The following VRTN variants were observed in gnomAD, a reference collection of about 807,000 sequenced individuals.
The protein encoded by VRTN is vertnin.
Under a neutral mutation model 18.2 loss-of-function variants are expected in VRTN, and 5 were observed. The observed-to-expected ratio is 0.27, with a 90% CI of 0.14 to 0.58. The LOEUF (loss-of-function observed/expected upper bound fraction) is 0.58, where lower values mean the gene tolerates loss of function less well. VRTN is among the 20% of genes least tolerant of loss of function. The pLI is 0.91. For synonymous variants in VRTN, 381 were observed against 393.7 expected (o/e 0.97, Z 0.38); for missense variants, 741 against 939.4 (o/e 0.79, Z 2.76).
chr14:74,331,268 C>T (rs1381430274), intron 1 of VRTN, among the ~76,000 whole-genome samples: 1 of 151,366 alleles, frequency 6.6e-6, no homozygotes, highest in African/African-American at 2.4e-5. Context: ...TGGCTCATGC[C>T]TGTAATGCCA....
chr14:74,332,163 T>C (rs2085530244), intron 1 of VRTN, among the ~76,000 whole-genome samples: 1 of 151,882 alleles, frequency 6.6e-6, no homozygotes, highest in African/African-American at 2.4e-5. Context: ...TGTTCTGTAT[T>C]GTAGATAGAT....
Position 74,357,184 on chromosome 14 carries a change from G to A in VRTN, c.401G>A (p.Arg134His), listed in dbSNP as rs138257884. The change falls in exon 2 of 2, where the codon CGC (arginine) becomes CAC (histidine). Residue 134 changes from arginine to histidine, a missense_variant. Arg to His is a conservative substitution (Grantham distance 29). Transcript: ENST00000256362. The surrounding 1 kb of genome is among the most constrained non-coding windows in gnomAD (Gnocchi z 7.8). ...TCCAAAGTGATGCTGCAGGCCGTGC[G>A]CTACTCCCTATGCTCTGAGGAGTCC... The part of the protein sequence containing the change: ...IDSKVMLQAV[R>H]YSLCSEESPE... 3.0e-5 allele frequency: 48 copies of A among 1,604,772 alleles called. No individual in the cohort carries two copies. The highest frequency in any genetic ancestry group is 4.0e-5 in the Non-Finnish European group (47 of 1,175,918).
At chr14:74,312,973 C>G (rs1009308340) in intron 1 of VRTN, among the ~76,000 whole-genome samples, 2 of 152,038 alleles carry the variant, frequency 1.3e-5, no homozygotes, top group Non-Finnish European at 2.9e-5. Flanking sequence ...GAACTCCTGA[C>G]CTCATGATCC....
In VRTN at chr14:74,359,006, T is replaced by A; in HGVS notation, c.*114T>A. 6.9e-7 allele frequency: 1 copy of A among 1,455,626 alleles called. No homozygotes were observed. Among genetic ancestry groups the A allele is most frequent in the Non-Finnish European group, 9.1e-7 (1 of 1,101,392 alleles). The allele number at this position is 1,455,626 out of a possible 1,614,324, so 90.2% of individuals were successfully genotyped here. ...CCTTTGCTCTGGGTCCCACAGTGTCTACCCTAAGTCCAAGGGTATATTTGT... is the reference window on the plus strand; with the variant it reads ...CCTTTGCTCTGGGTCCCACAGTGTCAACCCTAAGTCCAAGGGTATATTTGT... On this transcript the variant is annotated 3_prime_UTR_variant, in exon 2 of 2. Transcript: ENST00000256362.
chr14:74,331,925 T>C (rs1266293062), intron 1 of VRTN, among the ~76,000 whole-genome samples: 1 of 152,076 alleles, frequency 6.6e-6, no homozygotes, highest in African/African-American at 2.4e-5. Flanking sequence ...GGAAATCAAC[T>C]GTGATTAGGT....
intron 1 of VRTN, among the ~76,000 whole-genome samples, chr14:74,310,545 T>G (rs1772584611): frequency 1.3e-5 from 2 of 149,976 alleles, no homozygotes; most frequent in Admixed American, 6.6e-5. Context: ...TTTTTTTTTT[T>G]TTTTTTTTTA....
At chr14:74,332,335 G>GTTTTTTTTT (rs67857502) in intron 1 of VRTN, among the ~76,000 whole-genome samples, 2 of 39,540 alleles carry the variant, frequency 5.1e-5, no homozygotes, top group African/African-American at 8.1e-5. Flanking sequence ...CTCCTAATCT[G>GTTTTTTTTT]TTTTTTTTTT....
chr14:74,332,335 GTTTTTTTTTTTTTTTTTTTTTT>G lies in VRTN; in HGVS notation c.-163-5368_-163-5347del, dbSNP rs67857502. ...CCTCCGGAGGATCGACTCCTAATCT[GTTTTTTTTTTTTTTTTTTTTTT>G]TTTTTTTTTTTTTTTTTTTAGATGG... On this transcript the variant is annotated intron_variant, in intron 1 of 2. Transcript: ENST00000557177. Among the ~76,000 whole-genome samples the G allele has an allele frequency of 1.1e-3, 44 of 39,586 alleles. 1 individual carries two copies. The highest frequency in any genetic ancestry group is 0.023 in the Middle Eastern group (1 of 44). The allele number at this position is 39,586 out of a possible 152,430, so 26.0% of individuals were successfully genotyped here. A position where few individuals can be genotyped will look rare whatever the true frequency, so the allele number is the denominator to read the frequency against.
rs367693029 is a variant in VRTN, at chr14:74,323,563, G to A, written c.-163-14160G>A. On this transcript the variant is annotated intron_variant, in intron 1 of 2. Coordinates refer to the VRTN transcript ENST00000557177. ...CGCCCCACTGCACTCCAGGCTGGGC[G>A]ACAGAGTGAAATTCCATCTAAAAAA... Among the ~76,000 whole-genome samples, 21 of 151,560 alleles carry A rather than the reference G, an allele frequency of 1.4e-4. No individual in the cohort carries two copies. In the East Asian group the frequency reaches 2.3e-3, roughly 17 times the overall value.
At chr14:74,317,527 C>A (rs1206761571) in intron 1 of VRTN, among the ~76,000 whole-genome samples, 1 of 152,148 alleles carries the variant, frequency 6.6e-6, no homozygotes, top group Non-Finnish European at 1.5e-5. Flanking sequence ...GTGAGCCAGG[C>A]ACGGTGGGTC....
At chr14:74,343,864 C>T (rs2085624264), upstream of VRTN, among the ~76,000 whole-genome samples, 2 of 151,850 alleles carry the variant, frequency 1.3e-5, no homozygotes, top group Admixed American at 6.6e-5. Flanking sequence ...GGCGTGATCT[C>T]GGCTCACTGC....
Position 74,358,639 on chromosome 14 carries a change from C to A in VRTN, c.1856C>A (p.Pro619His). 1 of 1,608,588 alleles carries A rather than the reference C, an allele frequency of 6.2e-7. No individual in the cohort carries two copies. Among genetic ancestry groups the A allele is most frequent in the Non-Finnish European group, 8.5e-7 (1 of 1,177,126 alleles). Residue 619 changes from proline (P) to histidine (H), a missense_variant, in exon 2 of 2, where the codon CCC becomes CAC. By Grantham distance (77) the Pro-to-His change is moderately conservative. Around this residue, in one of 3 missense-constraint regions of VRTN, gnomAD observed 494 missense variants for 546.5 expected, o/e 0.90. Transcript: ENST00000256362. This position sits in a 1 kb window ranked among gnomAD's most constrained non-coding sequence, Gnocchi z 5.4. Reference protein sequence around the residue: ...LQEGATAQGQPHSGPLLSQPV... With the variant: ...LQEGATAQGQHHSGPLLSQPV... ...GAGGGGGCCACAGCCCAGGGCCAGC[C>A]CCACAGTGGGCCCTTGCTGAGCCAA...
chr14:74,346,926 A>C (rs1225720305), upstream of VRTN, among the ~76,000 whole-genome samples: 2 of 152,236 alleles, frequency 1.3e-5, no homozygotes, highest in African/African-American at 4.8e-5. Flanking sequence ...GACGTTTTTT[A>C]TAAAATGTCA....
chr14:74,312,546 G>C (rs778661221), intron 1 of VRTN, among the ~76,000 whole-genome samples: 66 of 151,880 alleles, frequency 4.3e-4, no homozygotes, highest in Middle Eastern at 6.8e-3. Context: ...GACCTCCCAG[G>C]CTCGAGTGAT....
At chr14:74,353,631 A>G (rs1595175705) in intron 1 of VRTN, among the ~76,000 whole-genome samples, 2 of 152,244 alleles carry the variant, frequency 1.3e-5, no homozygotes, top group East Asian at 1.9e-4. Context: ...TATATTGTAC[A>G]CAAAATTAAA....
At chr14:74,334,878 T>C (rs553193637) in intron 1 of VRTN, among the ~76,000 whole-genome samples, 2 of 152,240 alleles carry the variant, frequency 1.3e-5, no homozygotes, top group South Asian at 2.1e-4. Flanking sequence ...TGGCAGTAGA[T>C]AAGAGTAGCA....
At position 74,341,005 on chromosome 14, in the gene VRTN, G is replaced by T. The variant is rs144942787; in HGVS notation, c.-2+3121G>T. Reference sequence around the variant, plus strand: ...GATCCGCCTGCCTCGGCCTCCCAGAGTGCTGGGATTACAGGTGTGAGCCAC... The same window carrying T: ...GATCCGCCTGCCTCGGCCTCCCAGATTGCTGGGATTACAGGTGTGAGCCAC... On this transcript the variant is annotated intron_variant, in intron 2 of 2. Transcript: ENST00000557177. 6.5e-3 allele frequency among the ~76,000 whole-genome samples: 990 copies of T among 152,252 alleles called. 15 individuals are homozygous for T. Among genetic ancestry groups the T allele is most frequent in the African/African-American group, 0.023 (939 of 41,540 alleles).
At chr14:74,356,515 T>C (rs1037791714) in intron 1 of VRTN, among the ~76,000 whole-genome samples, 7 of 152,112 alleles carry the variant, frequency 4.6e-5, no homozygotes, top group African/African-American at 1.4e-4. Flanking sequence ...CCATTCCCAT[T>C]TTATAGAAAA....
rs12589590 is a variant in VRTN at position 74,314,747 on chromosome 14, C to T, written c.-164+11571C>T. Among the ~76,000 whole-genome samples the T allele has an allele frequency of 2.3e-3, 347 of 152,186 alleles. 21 individuals are homozygous for T. The East Asian group carries it at 0.061, about 27-fold the overall frequency. On this transcript the variant is annotated intron_variant, in intron 1 of 2. Coordinates refer to the VRTN transcript ENST00000557177. ...GCTTAGATTCAGTGAAGCATGACAGCTGTGTTGAAATGTGATTAGACAGAA... is the reference window on the plus strand; with the variant it reads ...GCTTAGATTCAGTGAAGCATGACAGTTGTGTTGAAATGTGATTAGACAGAA...
Sources: gnomAD v4.1 joint callset for allele counts (sites outside exome capture counted in the v4.1 genomes callset) on GRCh38, gnomAD v4.1.1 for gene constraint, gnomAD v4.1.1 regional missense constraint, Gnocchi (gnomAD v3.1) non-coding constraint, MANE v1.5 for transcripts, NCBI Gene and HGNC (gene_info 2026-07-23, HGNC 2026-07-21) for gene names.